Variants in PAX5 observed in about 807,000 individuals in gnomAD.
PAX5 encodes the protein paired box protein Pax-5.
In PAX5, 9 loss-of-function variants were observed where a neutral mutation model predicts 43.7. The observed-to-expected ratio is 0.21, with a 90% CI of 0.12 to 0.36. The LOEUF is 0.36. PAX5 is among the 10% of genes least tolerant of loss of function. The pLI, the probability that PAX5 is intolerant of heterozygous loss-of-function variation, is 1.00. For synonymous variants in PAX5, 228 were observed against 214.3 expected (o/e 1.06, Z -0.56); for missense variants, 383 against 532.7 (o/e 0.72, Z 2.77).
chr9:36,992,353 C>T (rs1837019548), intron 5 of PAX5, among the ~76,000 whole-genome samples: 1 of 152,100 alleles, frequency 6.6e-6, no homozygotes. Flanking sequence ...AAAAATATGC[C>T]CCAGATGGGG....
At chr9:36,849,372 TTTATCCTGCTTATC>T (rs151014796) in intron 8 of PAX5, among the ~76,000 whole-genome samples, 1 of 152,386 alleles carries the variant, frequency 6.6e-6, no homozygotes, top group Non-Finnish European at 1.5e-5. Context: ...ACCTGTCTTG[TTTATCCTGCTTATC>T]TTATTATAAT....
chr9:36,928,474 G>C (rs1297290804), intron 6 of PAX5, among the ~76,000 whole-genome samples: 4 of 152,180 alleles, frequency 2.6e-5, no homozygotes, highest in Non-Finnish European at 5.9e-5. Context: ...TCACCATGTA[G>C]AGTGGCTGTT....
At chr9:36,982,942 C>T (rs2132285407) in intron 5 of PAX5, among the ~76,000 whole-genome samples, 1 of 152,206 alleles carries the variant, frequency 6.6e-6, no homozygotes, top group Admixed American at 6.5e-5. Context: ...TTTGGGAAAT[C>T]TATGAATTAT....
intron 1 of PAX5, among the ~76,000 whole-genome samples, chr9:37,025,919 G>A (rs924824204): frequency 6.6e-6 from 1 of 152,184 alleles, no homozygotes; most frequent in African/African-American, 2.4e-5. Context: ...GTCTTTAAGG[G>A]TCTCTGTATG....
At chr9:36,916,220 CT>C (rs1338535427) in intron 7 of PAX5, among the ~76,000 whole-genome samples, 1 of 152,076 alleles carries the variant, frequency 6.6e-6, no homozygotes, top group Non-Finnish European at 1.5e-5. Context: ...AATGATTTAC[CT>C]TTTTTTCTAC....
intron 1 of PAX5, 56 bp downstream of exon 1, chr9:37,033,930 C>G: frequency 6.3e-7 from 1 of 1,579,464 alleles, no homozygotes; most frequent in South Asian, 1.1e-5. Flanking sequence ...GCGTGGGGAC[C>G]AAGGCCTGGC....
intron 3 of PAX5, among the ~76,000 whole-genome samples, chr9:37,006,749 C>T (rs977125611): frequency 6.6e-6 from 1 of 152,156 alleles, no homozygotes; most frequent in Admixed American, 6.5e-5. Context: ...GCTTCTGTTT[C>T]CCTGTGTAAT....
chr9:37,029,033 C>T (rs1259303024), intron 1 of PAX5, among the ~76,000 whole-genome samples: 1 of 152,194 alleles, frequency 6.6e-6, no homozygotes, highest in Admixed American at 6.5e-5. Context: ...TCAAGAACGA[C>T]GCTGAGGATT....
chr9:36,904,386 A>C (rs1007620646), intron 7 of PAX5, among the ~76,000 whole-genome samples: 1 of 152,200 alleles, frequency 6.6e-6, no homozygotes, highest in African/African-American at 2.4e-5. Context: ...TCACAGAGGC[A>C]TACGAAAGGA....
chr9:36,964,264 C>T (rs1216612725), intron 6 of PAX5, among the ~76,000 whole-genome samples: 1 of 147,538 alleles, frequency 6.8e-6, no homozygotes, highest in Non-Finnish European at 1.5e-5. Flanking sequence ...CTGGGCGACA[C>T]AACAAGATTC....
rs1162658145 is a variant in PAX5 at position 36,837,671 on chromosome 9, T to G, written c.*2889A>C. ...GTGTGTGTGAGAACATCCGTGTGCATCCATGTGCGCTTGTGCTTCCGCCTG... is the reference window on the plus strand; with the variant it reads ...GTGTGTGTGAGAACATCCGTGTGCAGCCATGTGCGCTTGTGCTTCCGCCTG... On this transcript the variant is annotated 3_prime_UTR_variant, in exon 10 of 10. Coordinates refer to ENST00000358127, the MANE Select transcript of PAX5 (RefSeq NM_016734.3). 1 of 233,316 alleles carries G rather than the reference T, an allele frequency of 4.3e-6. No homozygotes were observed. Among genetic ancestry groups the G allele is most frequent in the Non-Finnish European group, 8.5e-6 (1 of 118,070 alleles). 14.5% of individuals were successfully genotyped at this position (233,316 alleles called of 1,614,324 possible).
At chr9:36,938,201 A>G (rs1003259411) in intron 6 of PAX5, among the ~76,000 whole-genome samples, 5 of 152,192 alleles carry the variant, frequency 3.3e-5, no homozygotes, top group African/African-American at 1.2e-4. Context: ...ATATATTTGC[A>G]TTTTGTGGTT....
intron 6 of PAX5, among the ~76,000 whole-genome samples, chr9:36,962,303 T>C (rs1834038502): frequency 6.6e-6 from 1 of 152,216 alleles, no homozygotes; most frequent in Non-Finnish European, 1.5e-5. Flanking sequence ...GGAATCGTCC[T>C]GGACCTGGAG....
At chr9:36,931,765 C>T (rs188991979) in intron 6 of PAX5, among the ~76,000 whole-genome samples, 5 of 150,826 alleles carry the variant, frequency 3.3e-5, no homozygotes, top group Admixed American at 1.3e-4. Context: ...AGGAGAATTG[C>T]TTGAACCCAG....
intron 1 of PAX5, among the ~76,000 whole-genome samples, chr9:37,021,704 G>A (rs935295259): frequency 3.9e-4 from 60 of 152,186 alleles, no homozygotes; most frequent in African/African-American, 1.4e-3. Context: ...AGGTCCATCT[G>A]GAAGGACACA....
chr9:36,841,924 T>C (rs1822094273), intron 9 of PAX5, among the ~76,000 whole-genome samples: 1 of 152,112 alleles, frequency 6.6e-6, no homozygotes, highest in African/African-American at 2.4e-5. Context: ...AGAGTCGACC[T>C]GTACCATAAC....
At chr9:36,904,772 G>A (rs7031673) in intron 7 of PAX5, among the ~76,000 whole-genome samples, 80,771 of 152,048 alleles carry the variant, frequency 0.53, 22,709 homozygotes, top group Non-Finnish European at 0.64. Flanking sequence ...CTAGAAGGGT[G>A]GAGTGCTGCG....
chr9:36,981,434 C>A (rs1439357228), intron 5 of PAX5, among the ~76,000 whole-genome samples: 82 of 97,092 alleles, frequency 8.4e-4, no homozygotes, highest in South Asian at 1.8e-3. Context: ...CTGAAACTGG[C>A]AAAAAAAAAA....
chr9:36,912,056 C>T (rs768894659), intron 7 of PAX5, among the ~76,000 whole-genome samples: 19 of 152,256 alleles, frequency 1.2e-4, no homozygotes, highest in Non-Finnish European at 5.9e-5. Flanking sequence ...GCTCTCCACC[C>T]CTGCCCTTCA....
Sources: allele counts gnomAD v4.1 joint callset (sites outside exome capture counted in the v4.1 genomes callset), GRCh38; gene constraint gnomAD v4.1.1; transcripts MANE v1.5; gene names NCBI Gene and HGNC (gene_info 2026-07-23, HGNC 2026-07-21).